MPRIP: variants seen among roughly 807,000 people sequenced by gnomAD.
The protein encoded by MPRIP is myosin phosphatase Rho interacting protein.
Under a neutral mutation model 234.9 loss-of-function variants are expected in MPRIP, and 59 were observed. The ratio of observed to expected loss-of-function variants is 0.25; its 90% CI spans 0.20 to 0.31. The LOEUF (loss-of-function observed/expected upper bound fraction) is 0.31. Among genes scored for constraint, MPRIP ranks in the 10% least tolerant of loss-of-function variants. The probability of loss-of-function intolerance (pLI) is 1.00; values close to 1 mark genes in which losing one functional copy is unlikely to be tolerated. For missense variants in MPRIP, 2,436 were observed against 3,071.0 expected, an observed-to-expected ratio of 0.79 and a Z score of 4.89; for synonymous variants, 1,144 against 1,263.9, an observed-to-expected ratio of 0.91 and a Z score of 2.01.
At chr17:17,106,971 C>G in intron 3 of MPRIP, among the ~76,000 whole-genome samples, 1 of 152,186 alleles carries the variant, frequency 6.6e-6, no homozygotes, top group East Asian at 1.9e-4. Context: ...GGCAGAGGAT[C>G]TCAGTTCTTA....
intron 13 of MPRIP, among the ~76,000 whole-genome samples, chr17:17,155,693 A>C (rs1014346978): frequency 6.6e-6 from 1 of 152,218 alleles, no homozygotes; most frequent in Non-Finnish European, 1.5e-5. Flanking sequence ...TTAAACAAAC[A>C]CTGTCTAGTA....
chr17:17,075,874 A>G, intron 2 of MPRIP, 87 bp downstream of exon 2: 2 of 1,279,526 alleles, frequency 1.6e-6, no homozygotes, highest in South Asian at 2.5e-5. Flanking sequence ...AGGGAGATGG[A>G]GAGTTGAACA....
chr17:17,117,381 A>T (rs1237046448), intron 3 of MPRIP, among the ~76,000 whole-genome samples: 4 of 152,178 alleles, frequency 2.6e-5, no homozygotes, highest in Non-Finnish European at 5.9e-5. Context: ...CCCCTCCCCT[A>T]GCCCCTGGCA....
chr17:17,108,944 A>C (rs1432558592), intron 3 of MPRIP, among the ~76,000 whole-genome samples: 1 of 152,138 alleles, frequency 6.6e-6, no homozygotes, highest in Non-Finnish European at 1.5e-5. Flanking sequence ...CACTCCGCCC[A>C]CCTGTATGCT....
At chr17:17,089,563 G>A (rs2089668044) in intron 3 of MPRIP, among the ~76,000 whole-genome samples, 1 of 152,094 alleles carries the variant, frequency 6.6e-6, no homozygotes, top group Non-Finnish European at 1.5e-5. Context: ...GAGCTCCTGG[G>A]CCCAAGTGAT....
At chr17:17,107,343 G>A (rs2090082563) in intron 3 of MPRIP, among the ~76,000 whole-genome samples, 1 of 152,248 alleles carries the variant, frequency 6.6e-6, no homozygotes, top group Admixed American at 6.5e-5. Context: ...CTCAGAGCCT[G>A]GGCAGGGCGG....
In MPRIP at chr17:17,096,661, T is replaced by C; in HGVS notation, c.267+18585T>C. On this transcript the variant is annotated intron_variant, in intron 3 of 23. Coordinates refer to ENST00000651222, the MANE Select transcript of MPRIP (RefSeq NM_001364716.4). ...TTGTTGACTGGGCAGGTTCCACAGC[T>C]GATACTCCGGCTGCCTTGAGCAATA... The C allele has an allele frequency of 1.6e-5, 7 of 436,460 alleles. 1 individual carries two copies. Among genetic ancestry groups the C allele is most frequent in the South Asian group, 1.2e-4 (7 of 59,668 alleles). The allele number at this position is 436,460 out of a possible 1,614,324, so 27.0% of individuals were successfully genotyped here.
intron 3 of MPRIP, among the ~76,000 whole-genome samples, chr17:17,093,240 G>GA (rs2089761029): frequency 6.6e-6 from 1 of 152,186 alleles, no homozygotes; most frequent in Non-Finnish European, 1.5e-5. Context: ...TGGAGGCTTG[G>GA]AAAGGATCTT....
At chr17:17,176,273 C>T (rs1040840876) in intron 20 of MPRIP, among the ~76,000 whole-genome samples, 153 bp from the exon 21 acceptor site, 2 of 152,162 alleles carry the variant, frequency 1.3e-5, no homozygotes, top group African/African-American at 4.8e-5. Context: ...AAGCTGTGAG[C>T]GGTGTTTAAA....
At chr17:17,092,175 G>A (rs2089734506) in intron 3 of MPRIP, among the ~76,000 whole-genome samples, 2 of 152,254 alleles carry the variant, frequency 1.3e-5, no homozygotes, top group African/African-American at 4.8e-5. Flanking sequence ...AAAGATGGGT[G>A]GTGTAAGCCC....
In MPRIP at chr17:17,158,972, A is replaced by G. The variant is rs779797551; in HGVS notation, c.2370A>G (p.Thr790=). 4.3e-6 allele frequency: 7 copies of G among 1,612,730 alleles called. No homozygotes were observed. Among genetic ancestry groups the G allele is most frequent in the Non-Finnish European group, 5.9e-6 (7 of 1,179,872 alleles). ...AAGATGGGGGTGACCGGCTCTCCAC[A>G]CACGAGCTGACCTCTCTGCTCGAGA... ...SSEDGGDRLS[T]HELTSLLEKE... Residue 790 remains threonine, a synonymous_variant, in exon 14 of 24, where the codon ACA becomes ACG. Coordinates refer to ENST00000651222, the MANE Select transcript of MPRIP (RefSeq NM_001364716.4).
intron 19 of MPRIP, among the ~76,000 whole-genome samples, chr17:17,175,046 C>T (rs1322754476): frequency 6.6e-6 from 1 of 152,202 alleles, no homozygotes; most frequent in African/African-American, 2.4e-5. Flanking sequence ...GCTGCTCAGG[C>T]AGGACTGGGT....
intron 2 of MPRIP, chr17:17,077,720 G>A (rs558146691): frequency 8.5e-4 from 326 of 383,084 alleles, no homozygotes; most frequent in Middle Eastern, 1.6e-3. Context: ...GTAACCACAC[G>A]TTGTTTCTGC....
intron 3 of MPRIP, among the ~76,000 whole-genome samples, chr17:17,102,169 T>G (rs1253626313): frequency 6.6e-6 from 1 of 152,138 alleles, no homozygotes; most frequent in Non-Finnish European, 1.5e-5. Context: ...ATTACAGGCA[T>G]GAGCCACCGC....
chr17:17,155,922 CAAGCT>C (rs2045719004), intron 13 of MPRIP, among the ~76,000 whole-genome samples: 2 of 152,254 alleles, frequency 1.3e-5, no homozygotes, highest in Admixed American at 1.3e-4. Context: ...CCAAGCTTGA[CAAGCT>C]AAGTGCTCTT....
intron 1 of MPRIP, among the ~76,000 whole-genome samples, chr17:17,048,675 A>T (rs1053868620): frequency 2.6e-5 from 4 of 152,206 alleles, no homozygotes; most frequent in African/African-American, 9.7e-5. Context: ...TTAAAAAAAT[A>T]AGAATATAAC....
At chr17:17,096,985 G>T in intron 3 of MPRIP, 1 of 343,626 alleles carries the variant, frequency 2.9e-6, no homozygotes, top group Non-Finnish European at 5.9e-6. Context: ...ACACGTGCCT[G>T]CCCGGCTATC....
chr17:17,045,931 GAGTAGCTGGGACT>G (rs936960722), intron 1 of MPRIP, among the ~76,000 whole-genome samples: 1 of 150,582 alleles, frequency 6.6e-6, no homozygotes, highest in Non-Finnish European at 1.5e-5. Flanking sequence ...TCAGCCTCCC[GAGTAGCTGGGACT>G]ACAGGCACCC....
At chr17:17,144,196 G>A (rs1004782347) in intron 9 of MPRIP, among the ~76,000 whole-genome samples, 4 of 152,180 alleles carry the variant, frequency 2.6e-5, no homozygotes, top group Non-Finnish European at 4.4e-5. Context: ...GCTCCTACCC[G>A]CTCTGTCTTC....
Sources: allele counts gnomAD v4.1 joint callset (sites outside exome capture counted in the v4.1 genomes callset), GRCh38; gene constraint gnomAD v4.1.1; transcripts MANE v1.5; gene names NCBI Gene and HGNC (gene_info 2026-07-23, HGNC 2026-07-21).